Variants in FRMPD2 observed in about 807,000 individuals in gnomAD.
The protein encoded by FRMPD2 is FERM and PDZ domain containing 2.
Under a neutral mutation model 140.1 loss-of-function variants are expected in FRMPD2, and 96 were observed. The observed-to-expected ratio is 0.69, with a 90% CI of 0.58 to 0.81. FRMPD2 has a LOEUF of 0.81. Among genes scored for constraint, FRMPD2 ranks in the 40% least tolerant of loss-of-function variants. FRMPD2 has a pLI of 0.00. For synonymous variants in FRMPD2, 449 were observed against 547.6 expected (o/e 0.82, Z 2.52); for missense variants, 1,240 against 1,447.4 (o/e 0.86, Z 2.32).
rs536187792 is a variant in FRMPD2 at position 48,159,267 on chromosome 10, G to A, written c.3882-1897C>T. The A allele has an allele frequency of 2.2e-3, 1,015 of 454,984 alleles. 7 individuals are homozygous for A. The highest frequency in any genetic ancestry group is 1.8e-3 in the Non-Finnish European group (410 of 226,598). The allele number at this position is 454,984 out of a possible 1,614,324, so 28.2% of individuals were successfully genotyped here. A position where few individuals can be genotyped will look rare whatever the true frequency, so the allele number is the denominator to read the frequency against. ...AGACATCAAAGTAAACAAGTTCAACGGACTGCCAGATTTGAAGCTCAGATG... is the reference window on the plus strand; with the variant it reads ...AGACATCAAAGTAAACAAGTTCAACAGACTGCCAGATTTGAAGCTCAGATG... On this transcript the variant is annotated intron_variant, in intron 28 of 28. Transcript: ENST00000374201.
Position 48,229,741 on chromosome 10 carries a change from A to T in FRMPD2, c.1168+2374T>A, listed in dbSNP as rs372315705. ...GAAATTTATCTGTAAATTGCTGGTTATAATAAACTCTCTTCAGATTTTTAA... is the reference window on the plus strand; with the variant it reads ...GAAATTTATCTGTAAATTGCTGGTTTTAATAAACTCTCTTCAGATTTTTAA... On this transcript the variant is annotated intron_variant, in intron 10 of 28. Coordinates refer to ENST00000374201, the MANE Select transcript of FRMPD2 (RefSeq NM_001018071.4). Among the ~76,000 whole-genome samples, 14 of 152,294 alleles carry T rather than the reference A, an allele frequency of 9.2e-5. 1 individual carries two copies. In the East Asian group the frequency reaches 1.3e-3, roughly 15 times the overall value.
intron 20 of FRMPD2, among the ~76,000 whole-genome samples, chr10:48,181,946 A>G (rs1838563859): frequency 6.7e-6 from 1 of 149,262 alleles, no homozygotes; most frequent in Non-Finnish European, 1.5e-5. Context: ...TAGAGCCTCA[A>G]TAAATGTATC....
chr10:48,178,233 C>G, intron 21 of FRMPD2, 82 bp from the exon 22 acceptor site: 1 of 969,578 alleles, frequency 1.0e-6, no homozygotes, highest in Non-Finnish European at 1.6e-6. Context: ...CAGGAGCAGG[C>G]AGCATTGCAC....
At chr10:48,229,174 T>C (rs1033273827) in intron 10 of FRMPD2, among the ~76,000 whole-genome samples, 28 of 152,104 alleles carry the variant, frequency 1.8e-4, no homozygotes, top group African/African-American at 6.8e-4. Flanking sequence ...AAATTTTGTG[T>C]TTTATCAGAA....
At chr10:48,274,815 C>T (rs1315397947), upstream of FRMPD2, 6 of 505,764 alleles carry the variant, frequency 1.2e-5, no homozygotes, top group Non-Finnish European at 2.1e-5. Flanking sequence ...GGCACTGCCA[C>T]CCCAGCAGCC....
At chr10:48,247,462 G>C (rs1246412298) in intron 3 of FRMPD2, among the ~76,000 whole-genome samples, 2 of 152,216 alleles carry the variant, frequency 1.3e-5, no homozygotes, top group Non-Finnish European at 2.9e-5. Flanking sequence ...GTGATATGCA[G>C]GGTCAAAATG....
intron 12 of FRMPD2, among the ~76,000 whole-genome samples, chr10:48,221,569 CAA>C (rs900508811): frequency 6.6e-6 from 1 of 151,956 alleles, no homozygotes; most frequent in African/African-American, 2.4e-5. Context: ...ACCTGTTCTC[CAA>C]AAGCCTATTG....
At chr10:48,232,472 C>T (rs550721027) in intron 9 of FRMPD2, among the ~76,000 whole-genome samples, 183 bp from the exon 10 acceptor site, 2 of 152,310 alleles carry the variant, frequency 1.3e-5, no homozygotes, top group East Asian at 3.9e-4. Flanking sequence ...TGGTAAGAGT[C>T]TTGCCTAGGG....
chr10:48,210,177 G>A (rs1588831487), intron 13 of FRMPD2, among the ~76,000 whole-genome samples: 1 of 152,126 alleles, frequency 6.6e-6, no homozygotes, highest in Non-Finnish European at 1.5e-5. Context: ...GGCTCCCAAT[G>A]TGCTCTGGGG....
chr10:48,198,286 C>G (rs949700461), intron 15 of FRMPD2, among the ~76,000 whole-genome samples: 1 of 152,154 alleles, frequency 6.6e-6, no homozygotes, highest in African/African-American at 2.4e-5. Flanking sequence ...TGTATTCTTC[C>G]TTATCTTAAA....
chr10:48,197,990 A>G (rs1243187010), intron 15 of FRMPD2, among the ~76,000 whole-genome samples: 7 of 152,226 alleles, frequency 4.6e-5, no homozygotes, highest in Non-Finnish European at 8.8e-5. Flanking sequence ...AATTATGAAC[A>G]TAAGGGAGGT....
At chr10:48,202,568 T>C (rs1361173878) in intron 14 of FRMPD2, among the ~76,000 whole-genome samples, 3 of 152,226 alleles carry the variant, frequency 2.0e-5, no homozygotes, top group Non-Finnish European at 2.9e-5. Flanking sequence ...AATTGAACTG[T>C]ACTATAACTA....
intron 17 of FRMPD2, 82 bp from the exon 18 acceptor site, chr10:48,185,727 C>T (rs1838668116): frequency 1.0e-6 from 1 of 969,014 alleles, no homozygotes; most frequent in Non-Finnish European, 1.7e-6. Flanking sequence ...AACAGCATTT[C>T]ACACACATGC....
intron 17 of FRMPD2, among the ~76,000 whole-genome samples, chr10:48,186,413 T>C (rs1838685996): frequency 6.6e-6 from 1 of 152,356 alleles, no homozygotes; most frequent in East Asian, 1.9e-4. Flanking sequence ...TCTCCCAGAA[T>C]TCCTGCATGC....
intron 22 of FRMPD2, chr10:48,177,702 C>T (rs1305796314): frequency 4.9e-6 from 1 of 204,906 alleles, no homozygotes; most frequent in Non-Finnish European, 1.0e-5. Context: ...CAGTGGACTG[C>T]CCTTCTTACC....
chr10:48,165,229 CTCTT>C (rs1838066013), intron 27 of FRMPD2, among the ~76,000 whole-genome samples: 1 of 143,766 alleles, frequency 7.0e-6, no homozygotes. Context: ...TCTTGTCTCT[CTCTT>C]CAAGTTTCTA....
intron 12 of FRMPD2, among the ~76,000 whole-genome samples, chr10:48,219,661 C>G (rs1299378038): frequency 2.6e-5 from 4 of 152,178 alleles, no homozygotes; most frequent in Non-Finnish European, 5.9e-5. Flanking sequence ...TGCCTTGTGT[C>G]CCCATTTTAA....
chr10:48,242,636 ATGCT>A (rs1388760183), intron 4 of FRMPD2, among the ~76,000 whole-genome samples: 3 of 152,244 alleles, frequency 2.0e-5, no homozygotes, highest in Non-Finnish European at 2.9e-5. Context: ...TGAAAACTAG[ATGCT>A]TTGACAAGAT....
At chr10:48,245,461 G>A (rs997997448) in intron 3 of FRMPD2, among the ~76,000 whole-genome samples, 3 of 152,328 alleles carry the variant, frequency 2.0e-5, no homozygotes, top group East Asian at 3.9e-4. Context: ...TGATGTCATG[G>A]GAAGAGCATT....
Sources: gnomAD v4.1 joint callset for allele counts (sites outside exome capture counted in the v4.1 genomes callset) on GRCh38, gnomAD v4.1.1 for gene constraint, MANE v1.5 for transcripts, NCBI Gene and HGNC (gene_info 2026-07-23, HGNC 2026-07-21) for gene names.